DTWD2: variants seen among roughly 807,000 people sequenced by gnomAD.
DTWD2 encodes the protein DTW motif tRNA-uridine aminocarboxypropyltransferase 2.
DTWD2 carries 39 observed loss-of-function variants against 31.8 expected under a neutral mutation model. The ratio of observed to expected loss-of-function variants is 1.22; its 90% confidence interval spans 0.95 to 1.60. The LOEUF is 1.60. DTWD2 is among the 40% of genes most tolerant of loss of function. The pLI is 0.00. For synonymous variants in DTWD2, 180 were observed against 142.8 expected (o/e 1.26, Z -1.86); for missense variants, 515 against 381.5 (o/e 1.35, Z -2.92).
intron 1 of DTWD2, among the ~76,000 whole-genome samples, chr5:118,979,159 C>T (rs1029277108): frequency 2.0e-5 from 3 of 151,968 alleles, no homozygotes; most frequent in Non-Finnish European, 2.9e-5. Context: ...AAAAAATTAG[C>T]CAGGCATGGT....
At chr5:118,841,659 G>T (rs1751717477) in intron 5 of DTWD2, among the ~76,000 whole-genome samples, 1 of 152,002 alleles carries the variant, frequency 6.6e-6, no homozygotes, top group Non-Finnish European at 1.5e-5. Flanking sequence ...ATACCTATAG[G>T]CCAGCCATGT....
intron 4 of DTWD2, among the ~76,000 whole-genome samples, chr5:118,853,047 C>G (rs1009422156): frequency 6.6e-6 from 1 of 152,124 alleles, no homozygotes; most frequent in African/African-American, 2.4e-5. Flanking sequence ...AACACAGACA[C>G]TGGAGACTAC....
At chr5:118,959,588 T>C (rs548763493) in intron 1 of DTWD2, among the ~76,000 whole-genome samples, 6 of 152,300 alleles carry the variant, frequency 3.9e-5, no homozygotes, top group South Asian at 4.1e-4. Context: ...TTCACAGAAT[T>C]AGAAAAATAA....
At chr5:118,949,342 A>T (rs1395143315) in intron 1 of DTWD2, among the ~76,000 whole-genome samples, 1 of 152,136 alleles carries the variant, frequency 6.6e-6, no homozygotes, top group Non-Finnish European at 1.5e-5. Flanking sequence ...AGAGGCTGGG[A>T]TGAAGGGTGC....
At chr5:118,912,096 A>C (rs1753470455) in intron 4 of DTWD2, among the ~76,000 whole-genome samples, 1 of 152,242 alleles carries the variant, frequency 6.6e-6, no homozygotes, top group African/African-American at 2.4e-5. Context: ...TTTGGTAATT[A>C]CTCTCACAGA....
At chr5:118,888,506 T>G (rs1032491860) in intron 4 of DTWD2, among the ~76,000 whole-genome samples, 2 of 152,216 alleles carry the variant, frequency 1.3e-5, no homozygotes, top group African/African-American at 4.8e-5. Context: ...ATGCACCTAT[T>G]GATGGACATT....
chr5:118,986,991 T>A (rs1755442025), intron 1 of DTWD2, among the ~76,000 whole-genome samples: 2 of 152,180 alleles, frequency 1.3e-5, no homozygotes, highest in Non-Finnish European at 2.9e-5. Context: ...GCCATTTTTT[T>A]AAAAAAGCAT....
intron 1 of DTWD2, among the ~76,000 whole-genome samples, chr5:118,971,218 G>A: frequency 6.6e-6 from 1 of 152,150 alleles, no homozygotes; most frequent in East Asian, 1.9e-4. Flanking sequence ...AGATCCATCT[G>A]TATGCTATCT....
chr5:118,969,358 A>G (rs1193826338), intron 1 of DTWD2, among the ~76,000 whole-genome samples: 2 of 152,178 alleles, frequency 1.3e-5, no homozygotes, highest in African/African-American at 2.4e-5. Context: ...CAGGTCCCTG[A>G]TCCTGTTCCC....
At chr5:118,911,358 A>C (rs1753454348) in intron 4 of DTWD2, among the ~76,000 whole-genome samples, 1 of 152,198 alleles carries the variant, frequency 6.6e-6, no homozygotes, top group Non-Finnish European at 1.5e-5. Context: ...AAAAGATAAC[A>C]AGTGTTGGGA....
At chr5:118,888,288 T>C (rs752108822) in intron 4 of DTWD2, among the ~76,000 whole-genome samples, 10 of 152,180 alleles carry the variant, frequency 6.6e-5, no homozygotes, top group African/African-American at 9.7e-5. Context: ...AGGCTAGCAA[T>C]GGATCTGCTT....
intron 4 of DTWD2, 23 bp from the exon 5 acceptor site, chr5:118,848,241 A>G: frequency 6.4e-7 from 1 of 1,555,792 alleles, no homozygotes; most frequent in Non-Finnish European, 8.6e-7. Flanking sequence ...ACAAAATAGA[A>G]CATAATTTTT....
intron 3 of DTWD2, among the ~76,000 whole-genome samples, chr5:118,935,729 T>C (rs1561461963): frequency 6.6e-6 from 1 of 152,172 alleles, no homozygotes; most frequent in Non-Finnish European, 1.5e-5. Context: ...TTGAAGAGTT[T>C]TCAAATAGAT....
Position 118,858,702 on chromosome 5 carries a change from A to G in DTWD2, c.598-10484T>C, listed in dbSNP as rs78107949. ...AACTTCTTGCTATTTTATTCCTATA[A>G]GCTTCTGTATACAAGCATAGGTGAT... On this transcript the variant is annotated intron_variant, in intron 4 of 5. Transcript: ENST00000510708. Among the ~76,000 whole-genome samples the G allele has an allele frequency of 9.7e-3, 1,473 of 152,260 alleles. 22 individuals are homozygous for G. The highest frequency in any genetic ancestry group is 0.034 in the African/African-American group (1,410 of 41,556).
At chr5:118,969,737 T>G (rs1754940297) in intron 1 of DTWD2, among the ~76,000 whole-genome samples, 1 of 152,014 alleles carries the variant, frequency 6.6e-6, no homozygotes, top group Non-Finnish European at 1.5e-5. Context: ...TGAGGAAGAA[T>G]CAATGCAAAA....
In DTWD2 at chr5:118,928,657, AT is replaced by A; in HGVS notation, c.476del (p.Asn159IlefsTer7). The A allele has an allele frequency of 6.2e-7, 1 of 1,600,914 alleles. No individual in the cohort carries two copies. The highest frequency in any genetic ancestry group is 1.1e-5 in the South Asian group (1 of 87,844). ...LILYPGAEAA[N>X]LEEFILDSPV... ...GAGAATCTAATATAAATTCTTCCAA[AT>A]TAGCAGCTTCAGCCCCTGGATATAA... On this transcript the variant is annotated frameshift_variant, in exon 4 of 6. Coordinates refer to ENST00000510708, the MANE Select transcript of DTWD2 (RefSeq NM_173666.4). LOFTEE classifies it high-confidence loss of function.
intron 5 of DTWD2, among the ~76,000 whole-genome samples, chr5:118,843,836 C>T (rs1049224495): frequency 2.6e-5 from 4 of 152,286 alleles, no homozygotes; most frequent in African/African-American, 4.8e-5. Flanking sequence ...AATAGGCCAG[C>T]CTCCTTCCTG....
intron 4 of DTWD2, among the ~76,000 whole-genome samples, chr5:118,914,891 G>A (rs917347886): frequency 3.9e-5 from 6 of 152,074 alleles, no homozygotes; most frequent in South Asian, 2.1e-4. Context: ...AATAAAATTT[G>A]TCACCATTCC....
chr5:118,939,815 A>C (rs565418200), intron 2 of DTWD2, among the ~76,000 whole-genome samples: 1 of 152,344 alleles, frequency 6.6e-6, no homozygotes, highest in East Asian at 1.9e-4. Flanking sequence ...CCAATCTTAA[A>C]GAGCTCCCAA....
Sources: gnomAD v4.1 joint callset for allele counts (sites outside exome capture counted in the v4.1 genomes callset) on GRCh38, gnomAD v4.1.1 for gene constraint, MANE v1.5 for transcripts, NCBI Gene and HGNC (gene_info 2026-07-23, HGNC 2026-07-21) for gene names.